Variants in CCL1 observed in about 807,000 individuals in gnomAD.
The protein encoded by CCL1 is C-C motif chemokine 1.
Under a neutral mutation model 7.5 loss-of-function variants are expected in CCL1, and 9 were observed. That is an observed-to-expected ratio of 1.20 (90% CI 0.72 to 2.09). The LOEUF (loss-of-function observed/expected upper bound fraction) is 2.09. Among genes scored for constraint, CCL1 ranks in the 30% most tolerant of loss-of-function variants. The pLI, the probability that CCL1 is intolerant of heterozygous loss-of-function variation, is 0.00. For synonymous variants in CCL1, 48 were observed against 44.7 expected, an observed-to-expected ratio of 1.07 and a Z score of -0.30; for missense variants, 110 against 113.7, an observed-to-expected ratio of 0.97 and a Z score of 0.15.
intron 1 of CCL1, among the ~76,000 whole-genome samples, chr17:34,362,222 G>T (rs1401625428): frequency 6.6e-6 from 1 of 152,168 alleles, no homozygotes; most frequent in African/African-American, 2.4e-5. Flanking sequence ...TCCAGTTTTG[G>T]TATTTCACCA....
intron 2 of CCL1, 79 bp from the exon 3 acceptor site, chr17:34,360,740 C>G: frequency 9.2e-7 from 1 of 1,089,988 alleles, no homozygotes; most frequent in South Asian, 1.2e-5. Flanking sequence ...CCGCCTCCTC[C>G]GGCTGCCAGG....
Position 34,363,100 on chromosome 17 carries a change from A to C in CCL1, c.62T>G (p.Val21Gly), listed in dbSNP as rs542632553. The C allele has an allele frequency of 5.0e-6, 8 of 1,613,088 alleles. No homozygotes were observed. In the East Asian group the frequency reaches 1.3e-4, roughly 27 times the overall value. The stretch of plus-strand genomic sequence containing the variant: ...GCCACACTCACTGCTCTTGCTGTCC[A>C]CATCTTCCGGCCACATCCCAGCTAG... ...LLLAGMWPED[V>G]DSKSMQVPFS... Residue 21 changes from valine to glycine, a missense_variant, in exon 1 of 3, where the codon GTG becomes GGG. Coordinates refer to ENST00000225842, the MANE Select transcript of CCL1 (RefSeq NM_002981.2).
rs1465085354 is a variant in CCL1, at chr17:34,363,188, T to C, written c.-27A>G. 3.7e-6 allele frequency: 6 copies of C among 1,610,986 alleles called. No homozygotes were observed. The highest frequency in any genetic ancestry group is 5.1e-6 in the Non-Finnish European group (6 of 1,177,942). Reference sequence around the variant, plus strand: ...TCTTCTGGTCTGGCTTGGGCCTTCCTGGAGCAGCTTTGATGAGCCTGGTGA... The same window carrying C: ...TCTTCTGGTCTGGCTTGGGCCTTCCCGGAGCAGCTTTGATGAGCCTGGTGA... On this transcript the variant is annotated 5_prime_UTR_variant, in exon 1 of 3. Coordinates refer to ENST00000225842, the MANE Select transcript of CCL1 (RefSeq NM_002981.2).
intron 2 of CCL1, 60 bp downstream of exon 2, chr17:34,361,725 G>T: frequency 3.5e-6 from 4 of 1,129,592 alleles, no homozygotes; most frequent in South Asian, 1.3e-5. Context: ...GTCTACTCTT[G>T]TAATTCCAGG....
At chr17:34,361,924 G>T (rs1314665389) in intron 1 of CCL1, 28 bp from the exon 2 acceptor site, 6 of 1,481,422 alleles carry the variant, frequency 4.1e-6, no homozygotes, top group Middle Eastern at 1.7e-4. Flanking sequence ...ACGATGGTTT[G>T]CATCCATTTC....
Position 34,360,420 on chromosome 17 carries a change from C to T in CCL1, c.*139G>A. ...TTGTATAATTTAAATGTTTAAAGTG[C>T]AACAACATAGCTTATCAAGACCAAG... On this transcript the variant is annotated 3_prime_UTR_variant, in exon 3 of 3. Transcript: ENST00000225842. The T allele has an allele frequency of 8.9e-6, 6 of 675,994 alleles. No individual in the cohort carries two copies. The highest frequency in any genetic ancestry group is 6.9e-5 in the South Asian group (4 of 57,968). The allele number at this position is 675,994 out of a possible 1,614,324, so 41.9% of individuals were successfully genotyped here.
In CCL1 at chr17:34,362,697, C is replaced by A. The variant is rs1910537687; in HGVS notation, c.76+389G>T. ...GAGTTTGAGAGCTAAAGTGACTTGCCCAAGAGTGACCAATTGTTAGAGCCC... is the reference window on the plus strand; with the variant it reads ...GAGTTTGAGAGCTAAAGTGACTTGCACAAGAGTGACCAATTGTTAGAGCCC... On this transcript the variant is annotated intron_variant, in intron 1 of 2. Coordinates refer to ENST00000225842, the MANE Select transcript of CCL1 (RefSeq NM_002981.2). Among the ~76,000 whole-genome samples the A allele has an allele frequency of 4.6e-5, 7 of 152,212 alleles. No homozygotes were observed. The South Asian group carries it at 1.5e-3, about 32-fold the overall frequency.
intron 1 of CCL1, 85 bp downstream of exon 1, chr17:34,363,001 A>G (rs577768481): frequency 1.3e-5 from 17 of 1,266,530 alleles, no homozygotes; most frequent in African/African-American, 7.3e-5. Context: ...GGTGAGTTCA[A>G]GGAGAAGCCT....
At chr17:34,362,964 T>G in intron 1 of CCL1, 122 bp downstream of exon 1, 4 of 846,124 alleles carry the variant, frequency 4.7e-6, no homozygotes, top group Non-Finnish European at 7.6e-6. Context: ...TTCCTCCTCT[T>G]TAGGTAGGAA....
At chr17:34,361,417 C>T (rs1251450387) in intron 2 of CCL1, among the ~76,000 whole-genome samples, 1 of 152,246 alleles carries the variant, frequency 6.6e-6, no homozygotes, top group East Asian at 1.9e-4. Context: ...TGTCCACGGT[C>T]ACCCAAGACT....
At position 34,361,881 on chromosome 17, in the gene CCL1, G is replaced by A; in HGVS notation, c.92C>T (p.Ser31Phe). ...CTCCGCAAATGAGAAGCAACATCTG[G>A]AGAAGGGTACCTGCACTAGAAGAGG... ...VDSKSMQVPFSRCCFSFAEQE... is the reference protein window; with the variant it reads ...VDSKSMQVPFFRCCFSFAEQE... Residue 31 changes from serine (S) to phenylalanine (F), a missense_variant, in exon 2 of 3, where the codon TCC (serine) becomes TTC (phenylalanine). Physicochemically the swap from Ser to Phe is radical, Grantham distance 155. Transcript: ENST00000225842. 1 of 1,610,312 alleles carries A rather than the reference G, an allele frequency of 6.2e-7. No individual in the cohort carries two copies. Among genetic ancestry groups the A allele is most frequent in the Non-Finnish European group, 8.5e-7 (1 of 1,176,890 alleles).
intron 2 of CCL1, 40 bp from the exon 3 acceptor site, chr17:34,360,701 G>T: frequency 6.7e-7 from 1 of 1,489,300 alleles, no homozygotes; most frequent in Non-Finnish European, 9.3e-7. Context: ...AGCCACCCAA[G>T]CCACCACTGG....
chr17:34,361,442 C>T (rs539454287), intron 2 of CCL1, among the ~76,000 whole-genome samples: 1 of 152,308 alleles, frequency 6.6e-6, no homozygotes, highest in South Asian at 2.1e-4. Context: ...GTTCCAAATC[C>T]AGGGGCAGGA....
intron 2 of CCL1, among the ~76,000 whole-genome samples, chr17:34,360,882 T>G (rs929639539): frequency 6.6e-6 from 1 of 152,138 alleles, no homozygotes; most frequent in Non-Finnish European, 1.5e-5. Context: ...TGGACCCCTC[T>G]CCTGGTTTCA....
rs1383955930 is a variant in CCL1 at position 34,360,550 on chromosome 17, G to A, written c.*9C>T. ...TGGTTTCCAGAGCCCACAATGGAAAGAAATCTGCTCATTTTCTTTTTGACG... is the reference window on the plus strand; with the variant it reads ...TGGTTTCCAGAGCCCACAATGGAAAAAAATCTGCTCATTTTCTTTTTGACG... On this transcript the variant is annotated 3_prime_UTR_variant, in exon 3 of 3. Transcript: ENST00000225842. The A allele has an allele frequency of 6.2e-7, 1 of 1,609,412 alleles. No individual in the cohort carries two copies. Among genetic ancestry groups the A allele is most frequent in the Non-Finnish European group, 8.5e-7 (1 of 1,175,908 alleles).
At chr17:34,360,876 C>T (rs1002664494) in intron 2 of CCL1, among the ~76,000 whole-genome samples, 1 of 152,114 alleles carries the variant, frequency 6.6e-6, no homozygotes, top group African/African-American at 2.4e-5. Context: ...ATTTCCTGGA[C>T]CCCTCTCCTG....
rs894065791 is a variant in CCL1, at chr17:34,360,788, C to G, written c.189-127G>C. ...CTCTTGCTAGGCCTTGGGCTCCCCT[C>G]TGTAAATGAAGTTGCTGCACAGGAT... On this transcript the variant is annotated intron_variant, in intron 2 of 2. Transcript: ENST00000225842. The G allele has an allele frequency of 1.3e-5, 9 of 699,502 alleles. No homozygotes were observed. In the African/African-American group the frequency reaches 1.4e-4, roughly 11 times the overall value. 43.3% of individuals were successfully genotyped at this position (699,502 alleles called of 1,614,324 possible).
rs1162909742 is a variant in CCL1 at position 34,360,667 on chromosome 17, A to G, written c.189-6T>C. The G allele has an allele frequency of 6.2e-7, 1 of 1,608,736 alleles. No individual in the cohort carries two copies. The highest frequency in any genetic ancestry group is 8.5e-7 in the Non-Finnish European group (1 of 1,176,744). ...TGCCTCTCTTCAGCTTGAATCTGTGAACAGAGAATAAGAGAGAAGGCTGAG... is the reference window on the plus strand; with the variant it reads ...TGCCTCTCTTCAGCTTGAATCTGTGGACAGAGAATAAGAGAGAAGGCTGAG... On this transcript the variant is annotated splice_region_variant and splice_polypyrimidine_tract_variant and intron_variant, in intron 2 of 2. Transcript: ENST00000225842.
intron 1 of CCL1, among the ~76,000 whole-genome samples, chr17:34,362,098 T>G (rs1230655306): frequency 6.6e-6 from 1 of 152,158 alleles, no homozygotes; most frequent in Non-Finnish European, 1.5e-5. Context: ...GGGGTTCAGA[T>G]CTGAGCTCCC....
Sources: gnomAD v4.1 joint callset for allele counts (sites outside exome capture counted in the v4.1 genomes callset) on GRCh38, gnomAD v4.1.1 for gene constraint, MANE v1.5 for transcripts, NCBI Gene and HGNC (gene_info 2026-07-23, HGNC 2026-07-21) for gene names.